RUNX2: variants seen among roughly 807,000 people sequenced by gnomAD.
The protein encoded by RUNX2 is runt-related transcription factor 2.
Under a neutral mutation model 51.7 loss-of-function variants are expected in RUNX2, and 10 were observed. The ratio of observed to expected loss-of-function variants is 0.19; its 90% CI spans 0.12 to 0.33. The LOEUF is 0.33. Among genes scored for constraint, RUNX2 ranks in the 10% least tolerant of loss-of-function variants. The pLI, the probability that RUNX2 is intolerant of heterozygous loss-of-function variation, is 1.00. For synonymous variants in RUNX2, 276 were observed against 273.6 expected (o/e 1.01, Z -0.09); for missense variants, 562 against 691.3 (o/e 0.81, Z 2.10).
chr6:45,472,820 G>T (rs1220552153), intron 5 of RUNX2, among the ~76,000 whole-genome samples: 3 of 152,122 alleles, frequency 2.0e-5, no homozygotes, highest in African/African-American at 7.2e-5. Context: ...AAGAGAGGTG[G>T]GTGGGTATTA....
chr6:45,374,557 T>C (rs1171230418), intron 2 of RUNX2, among the ~76,000 whole-genome samples: 1 of 152,234 alleles, frequency 6.6e-6, no homozygotes, highest in Non-Finnish European at 1.5e-5. Flanking sequence ...ATAATGCATA[T>C]GGCTGAATTA....
At chr6:45,340,910 G>A (rs1789649759) in intron 2 of RUNX2, among the ~76,000 whole-genome samples, 1 of 151,786 alleles carries the variant, frequency 6.6e-6, no homozygotes, top group African/African-American at 2.4e-5. Flanking sequence ...CTTATACTAT[G>A]GTCTCATAGC....
intron 6 of RUNX2, among the ~76,000 whole-genome samples, chr6:45,506,158 G>A (rs768756529): frequency 6.6e-6 from 1 of 152,042 alleles, no homozygotes; most frequent in Non-Finnish European, 1.5e-5. Flanking sequence ...GTGCTTTCTC[G>A]GCCCTGGGGA....
intron 6 of RUNX2, among the ~76,000 whole-genome samples, chr6:45,495,366 G>C (rs1263634791): frequency 2.0e-5 from 3 of 152,150 alleles, no homozygotes; most frequent in Non-Finnish European, 4.4e-5. Flanking sequence ...CTAATTTCCT[G>C]TCCCAGGATG....
intron 5 of RUNX2, among the ~76,000 whole-genome samples, chr6:45,439,664 T>C (rs1196800457): frequency 6.6e-6 from 1 of 151,976 alleles, no homozygotes; most frequent in Non-Finnish European, 1.5e-5. Context: ...CGTGTGTTTG[T>C]GTGCGTGTGT....
intron 1 of RUNX2, 33 bp from the exon 2 acceptor site, chr6:45,328,628 A>G: frequency 5.0e-6 from 8 of 1,609,822 alleles, no homozygotes; most frequent in Non-Finnish European, 6.8e-6. Flanking sequence ...CTGTAAAACT[A>G]AAACAAGGTT....
chr6:45,520,094 A>G (rs1316097851), intron 7 of RUNX2, among the ~76,000 whole-genome samples: 1 of 152,026 alleles, frequency 6.6e-6, no homozygotes, highest in Non-Finnish European at 1.5e-5. Flanking sequence ...GGCCTCCCAA[A>G]GTGCTGGGAT....
At chr6:45,356,355 T>C (rs1349000346) in intron 2 of RUNX2, among the ~76,000 whole-genome samples, 2 of 152,102 alleles carry the variant, frequency 1.3e-5, no homozygotes, top group African/African-American at 2.4e-5. Flanking sequence ...TGTTAATATA[T>C]GTTAACATCT....
intron 2 of RUNX2, among the ~76,000 whole-genome samples, chr6:45,331,706 A>T (rs777450776): frequency 1.3e-5 from 2 of 152,006 alleles, no homozygotes; most frequent in East Asian, 3.9e-4. Flanking sequence ...GAAATTGTGG[A>T]AAAAGATCTG....
intron 2 of RUNX2, among the ~76,000 whole-genome samples, chr6:45,407,049 A>G (rs1000766532): frequency 7.2e-5 from 11 of 152,180 alleles, no homozygotes. Flanking sequence ...CCCTGATCTG[A>G]TCTCTGAACC....
intron 2 of RUNX2, among the ~76,000 whole-genome samples, chr6:45,392,655 A>G (rs1797495947): frequency 6.6e-6 from 1 of 152,050 alleles, no homozygotes; most frequent in Admixed American, 6.5e-5. Context: ...AGACCAATAC[A>G]TTGTAATGTT....
chr6:45,547,481 A>G lies in RUNX2; in HGVS notation c.*176A>G. 1 of 628,640 alleles carries G rather than the reference A, an allele frequency of 1.6e-6. No individual in the cohort carries two copies. Among genetic ancestry groups the G allele is most frequent in the South Asian group, 1.9e-5 (1 of 52,818 alleles). 38.9% of individuals were successfully genotyped at this position (628,640 alleles called of 1,614,324 possible). A position where few individuals can be genotyped will look rare whatever the true frequency, so the allele number is the denominator to read the frequency against. On this transcript the variant is annotated 3_prime_UTR_variant, in exon 9 of 9. Transcript: ENST00000647337. ...CATGATCTTGCAGCCATAAGAGGGTAGATATTGAGAAGCAGAAGGCTCAAG... is the reference window on the plus strand; with the variant it reads ...CATGATCTTGCAGCCATAAGAGGGTGGATATTGAGAAGCAGAAGGCTCAAG...
At chr6:45,470,211 A>C (rs1436269789) in intron 5 of RUNX2, among the ~76,000 whole-genome samples, 1 of 152,182 alleles carries the variant, frequency 6.6e-6, no homozygotes, top group Non-Finnish European at 1.5e-5. Context: ...ATTTTTTCTG[A>C]AGTAGGAAGT....
In RUNX2 at chr6:45,545,296, C is replaced by A. The variant is rs976050952; in HGVS notation, c.1087+14C>A. 1.3e-5 allele frequency: 20 copies of A among 1,508,610 alleles called. No individual in the cohort carries two copies. In the African/African-American group the frequency reaches 2.8e-4, roughly 21 times the overall value. The allele number at this position is 1,508,610 out of a possible 1,614,324, so 93.5% of individuals were successfully genotyped here. ...AGAGCCAGGCAGGTGAGACTTTTAA[C>A]AATTGCTGGGCTGGGCAGGGCTGGG... On this transcript the variant is annotated intron_variant, in intron 8 of 8. Transcript: ENST00000647337.
rs577479101 is a variant in RUNX2 at position 45,495,784 on chromosome 6, G to A, written c.859+3670G>A. On this transcript the variant is annotated intron_variant, in intron 6 of 8. Transcript: ENST00000647337. ...CAATCATAAATTGAGGAAGTCATAA[G>A]CATTTAGTGTTTCATAGTTAGCCTT... Among the ~76,000 whole-genome samples, 16 of 152,318 alleles carry A rather than the reference G, an allele frequency of 1.1e-4. No individual in the cohort carries two copies. In the East Asian group the frequency reaches 2.7e-3, roughly 26 times the overall value.
intron 2 of RUNX2, among the ~76,000 whole-genome samples, chr6:45,370,109 G>A (rs1795803143): frequency 6.6e-6 from 1 of 152,172 alleles, no homozygotes; most frequent in Non-Finnish European, 1.5e-5. Context: ...CCAGCAGCTG[G>A]GAGAATATAC....
intron 3 of RUNX2, among the ~76,000 whole-genome samples, chr6:45,425,947 C>T (rs1280863440): frequency 1.3e-5 from 2 of 152,058 alleles, no homozygotes; most frequent in Non-Finnish European, 2.9e-5. Flanking sequence ...CAAATCAATA[C>T]AATATTTATT....
At chr6:45,423,563 G>C (rs76310809) in intron 3 of RUNX2, among the ~76,000 whole-genome samples, 4,101 of 152,230 alleles carry the variant, frequency 0.027, 198 homozygotes, top group African/African-American at 0.093. Flanking sequence ...CTCCCGTGCC[G>C]GGATTCGTGG....
At chr6:45,477,421 T>C (rs555745011) in intron 5 of RUNX2, among the ~76,000 whole-genome samples, 5 of 152,208 alleles carry the variant, frequency 3.3e-5, no homozygotes, top group Non-Finnish European at 4.4e-5. Flanking sequence ...ATATGTCCCA[T>C]GGGTACTTCA....
Sources: allele counts gnomAD v4.1 joint callset (sites outside exome capture counted in the v4.1 genomes callset), GRCh38; gene constraint gnomAD v4.1.1; transcripts MANE v1.5; gene names NCBI Gene and HGNC (gene_info 2026-07-23, HGNC 2026-07-21).